NLRC5: variants seen among roughly 807,000 people sequenced by gnomAD.
NLRC5 encodes the protein NLR family CARD domain containing 5.
In NLRC5, 114 loss-of-function variants were observed where a neutral mutation model predicts 206.9. That is an observed-to-expected ratio of 0.55 (90% CI 0.47 to 0.64). NLRC5 has a LOEUF of 0.64. Ranked by LOEUF, NLRC5 falls within the 30% of genes least tolerant of loss-of-function variation. NLRC5 has a pLI of 0.00. For missense variants in NLRC5, 2,008 were observed against 2,305.5 expected, an observed-to-expected ratio of 0.87 and a Z score of 2.64; for synonymous variants, 952 against 962.8, an observed-to-expected ratio of 0.99 and a Z score of 0.21.
In NLRC5 at chr16:57,025,886, C is replaced by A; in HGVS notation, c.943C>A (p.Pro315Thr). ...TGATGGGCTAGATGAGGCCCTCCAG[C>A]CTATGGGTCCTGATGGCCCAGGCCC... ...IFDGLDEALQ[P>T]MGPDGPGPVL... Residue 315 changes from proline to threonine, a missense_variant, in exon 6 of 49, where the codon CCT becomes ACT. Transcript: ENST00000688547. The A allele has an allele frequency of 6.2e-7, 1 of 1,614,262 alleles. No individual in the cohort carries two copies. The highest frequency in any genetic ancestry group is 8.5e-7 in the Non-Finnish European group (1 of 1,180,056).
chr16:57,062,453 C>T (rs1426368356), intron 32 of NLRC5: 3 of 255,476 alleles, frequency 1.2e-5, no homozygotes, highest in Non-Finnish European at 1.5e-5. Flanking sequence ...GCATCACTGC[C>T]CCCATCCCCT....
chr16:57,018,231 G>A (rs1203876329), intron 2 of NLRC5, among the ~76,000 whole-genome samples: 1 of 152,122 alleles, frequency 6.6e-6, no homozygotes, highest in Non-Finnish European at 1.5e-5. Flanking sequence ...CTAGGCTATG[G>A]CCACATCCTT....
At chr16:57,081,828 C>G (rs1204467226) in intron 48 of NLRC5, among the ~76,000 whole-genome samples, 1 of 152,266 alleles carries the variant, frequency 6.6e-6, no homozygotes, top group South Asian at 2.1e-4. Flanking sequence ...CTCAACCTCT[C>G]TGAACCCCAA....
chr16:56,995,128 C>T (rs760290522), intron 1 of NLRC5, among the ~76,000 whole-genome samples: 2 of 152,124 alleles, frequency 1.3e-5, no homozygotes, highest in Non-Finnish European at 2.9e-5. Context: ...GAGTTGAGAT[C>T]GTGCCATGCT....
At chr16:57,040,586 G>A (rs2063155605) in intron 16 of NLRC5, 64 bp from the exon 17 acceptor site, 3 of 1,516,734 alleles carry the variant, frequency 2.0e-6, no homozygotes, top group East Asian at 2.3e-5. Flanking sequence ...GCCAGGCTGA[G>A]GATGGATTCT....
intron 1 of NLRC5, among the ~76,000 whole-genome samples, chr16:57,001,515 G>A (rs984605177): frequency 3.3e-5 from 5 of 152,186 alleles, no homozygotes; most frequent in African/African-American, 9.7e-5. Context: ...TACACCAGGC[G>A]TCAGGGGCTG....
At position 57,037,054 on chromosome 16, in the gene NLRC5, CT is replaced by C. The variant is rs2062677172; in HGVS notation, c.2712-138del. On this transcript the variant is annotated intron_variant, in intron 14 of 48. Transcript: ENST00000688547. Reference sequence around the variant, plus strand: ...TGGCTTACTCACACGCACCAGAATCCTTTGAGATCCCCTGGCAAGGGACCTA... The same window carrying C: ...TGGCTTACTCACACGCACCAGAATCCTTGAGATCCCCTGGCAAGGGACCTA... 4.1e-6 allele frequency: 3 copies of C among 724,710 alleles called. No individual in the cohort carries two copies. The African/African-American group carries it at 5.2e-5, about 13-fold the overall frequency. The allele number at this position is 724,710 out of a possible 1,614,324, so 44.9% of individuals were successfully genotyped here.
chr16:57,013,717 T>C (rs1253373572), intron 1 of NLRC5: 1 of 750,794 alleles, frequency 1.3e-6, no homozygotes, highest in African/African-American at 1.7e-5. Context: ...TTGGTGGTTG[T>C]GCCTGATAAA....
chr16:57,031,372 T>C, intron 10 of NLRC5, 32 bp from the exon 11 acceptor site: 1 of 1,613,252 alleles, frequency 6.2e-7, no homozygotes, highest in Non-Finnish European at 8.5e-7. Context: ...TTCCAGTCTC[T>C]GGGTTTCATG....
chr16:57,005,029 C>T (rs542602771), intron 1 of NLRC5, among the ~76,000 whole-genome samples: 1 of 152,274 alleles, frequency 6.6e-6, no homozygotes, highest in South Asian at 2.1e-4. Flanking sequence ...TTTCCCTCCA[C>T]CTTTCTCTCA....
chr16:57,077,672 G>A (rs377499750), intron 41 of NLRC5, 47 bp from the exon 42 acceptor site: 27 of 1,517,260 alleles, frequency 1.8e-5, no homozygotes, highest in Admixed American at 4.2e-5. Context: ...CTGGGGTGTC[G>A]GGGAGAGGGG....
Position 57,079,641 on chromosome 16 carries a change from G to A in NLRC5, c.5321+12G>A, listed in dbSNP as rs765180394. ...CTGGAAGTAATCTTGTGAGTGATTG[G>A]AAGAGCCCTGAGCTGGCTGGGAAAA... On this transcript the variant is annotated intron_variant, in intron 46 of 48. Coordinates refer to ENST00000688547, the MANE Select transcript of NLRC5 (RefSeq NM_001384950.1). 7.4e-6 allele frequency: 12 copies of A among 1,612,462 alleles called. No individual in the cohort carries two copies. The highest frequency in any genetic ancestry group is 1.0e-5 in the Non-Finnish European group (12 of 1,178,688).
chr16:57,071,743 G>C (rs1214971821), intron 38 of NLRC5, among the ~76,000 whole-genome samples: 1 of 144,934 alleles, frequency 6.9e-6, no homozygotes, highest in Admixed American at 6.9e-5. Context: ...AGTAAGGGGT[G>C]GGGGTGGTTA....
rs201944203 is a variant in NLRC5, at chr16:57,067,849, C to T, written c.4499+21C>T. ...TTTCGGTATGTAGACAAGACATTCA[C>T]TCAGTCCCCTTTGCAGCTCTGCCCT... On this transcript the variant is annotated intron_variant, in intron 36 of 48. Transcript: ENST00000688547. The T allele has an allele frequency of 1.1e-5, 18 of 1,585,582 alleles. No individual in the cohort carries two copies. In the East Asian group the frequency reaches 3.6e-4, roughly 32 times the overall value.
Position 57,074,694 on chromosome 16 carries a change from G to T in NLRC5, c.4751+11G>T. ...CCTGCAGAGCCTCAGGTGAGTGACC[G>T]AGCGGCCCCATGGGAATGAGTGGGA... On this transcript the variant is annotated intron_variant, in intron 39 of 48. Transcript: ENST00000688547. 3 of 1,612,964 alleles carry T rather than the reference G, an allele frequency of 1.9e-6. No homozygotes were observed. The highest frequency in any genetic ancestry group is 1.7e-5 in the Admixed American group (1 of 59,996).
intron 16 of NLRC5, 51 bp downstream of exon 16, chr16:57,039,900 C>A: frequency 6.8e-7 from 1 of 1,472,046 alleles, no homozygotes; most frequent in Non-Finnish European, 9.5e-7. Context: ...ACATTCCCCT[C>A]TCTACCCTCC....
In NLRC5 at chr16:57,082,498, C is replaced by A. The variant is rs2069276185; in HGVS notation, c.5571C>A (p.Asp1857Glu). Residue 1857 changes from aspartate (D) to glutamate (E), a missense_variant, in exon 49 of 49, where the codon GAC becomes GAA. Physicochemically the swap from Asp to Glu is conservative, Grantham distance 45. Transcript: ENST00000688547. ...QEPRLDFAFF[D>E]NQPQAPWGT ...CCAGGCTGGACTTTGCCTTCTTTGA[C>A]AACCAGCCCCAGGCCCCTTGGGGTA... is the stretch of plus-strand genomic sequence containing the variant. 6.2e-7 allele frequency: 1 copy of A among 1,613,824 alleles called. No homozygotes were observed. The highest frequency in any genetic ancestry group is 8.5e-7 in the Non-Finnish European group (1 of 1,179,820).
intron 28 of NLRC5, among the ~76,000 whole-genome samples, chr16:57,058,707 T>G (rs763539991): frequency 3.9e-5 from 6 of 152,224 alleles, no homozygotes; most frequent in Non-Finnish European, 8.8e-5. Context: ...GCTGCCAGCC[T>G]GGCCTTGCCA....
At chr16:57,067,882 C>T in intron 36 of NLRC5, 54 bp downstream of exon 36, 1 of 1,363,298 alleles carries the variant, frequency 7.3e-7, no homozygotes, top group Non-Finnish European at 1.1e-6. Flanking sequence ...CCTGCCCTGA[C>T]ACCTCCCGTT....
Sources: allele counts gnomAD v4.1 joint callset (sites outside exome capture counted in the v4.1 genomes callset), GRCh38; gene constraint gnomAD v4.1.1; transcripts MANE v1.5; gene names NCBI Gene and HGNC (gene_info 2026-07-23, HGNC 2026-07-21).